Variants in CYP4Z1 observed in about 807,000 individuals in gnomAD.
CYP4Z1 encodes cytochrome P450 4Z1.
In CYP4Z1, 41 loss-of-function variants were observed where a neutral mutation model predicts 54.2. The ratio of observed to expected loss-of-function variants is 0.76; its 90% confidence interval spans 0.59 to 0.98. The LOEUF (loss-of-function observed/expected upper bound fraction) is 0.98. Ranked by LOEUF, CYP4Z1 falls within the 50% of genes least tolerant of loss-of-function variation. CYP4Z1 has a pLI of 0.00. For missense variants in CYP4Z1, 513 were observed against 599.0 expected (o/e 0.86, Z 1.50); for synonymous variants, 163 against 206.2 (o/e 0.79, Z 1.79).
At chr1:47,099,051 T>G in intron 7 of CYP4Z1, 43 bp from the exon 8 acceptor site, 2 of 1,603,994 alleles carry the variant, frequency 1.2e-6, no homozygotes, top group Non-Finnish European at 1.7e-6. Context: ...AAGATAACAA[T>G]CCATAGCCAG....
At chr1:47,077,773 A>G (rs1333077834) in intron 2 of CYP4Z1, among the ~76,000 whole-genome samples, 2 of 151,672 alleles carry the variant, frequency 1.3e-5, no homozygotes, top group Admixed American at 1.3e-4. Context: ...GGCCTGCACC[A>G]CTATGCCTGG....
At chr1:47,104,378 G>T (rs1293805816) in intron 8 of CYP4Z1, among the ~76,000 whole-genome samples, 1 of 152,182 alleles carries the variant, frequency 6.6e-6, no homozygotes, top group Non-Finnish European at 1.5e-5. Context: ...GGGCACCAAG[G>T]TGATGTATAC....
chr1:47,109,911 T>C (rs1644781338), intron 9 of CYP4Z1, among the ~76,000 whole-genome samples: 1 of 151,918 alleles, frequency 6.6e-6, no homozygotes, highest in East Asian at 1.9e-4. Context: ...CCAAAAGTTA[T>C]GAATTCTATT....
At chr1:47,076,915 T>C (rs1198995910) in intron 2 of CYP4Z1, among the ~76,000 whole-genome samples, 1 of 151,196 alleles carries the variant, frequency 6.6e-6, no homozygotes, top group Non-Finnish European at 1.5e-5. Context: ...TTACTTCTGA[T>C]ATTGATTTCT....
chr1:47,089,917 G>A (rs1176029858), intron 6 of CYP4Z1, among the ~76,000 whole-genome samples: 1 of 152,402 alleles, frequency 6.6e-6, no homozygotes, highest in South Asian at 2.1e-4. Flanking sequence ...CTTGCAATAT[G>A]ATTGGGAGAA....
intron 8 of CYP4Z1, among the ~76,000 whole-genome samples, chr1:47,102,514 G>C (rs1387459663): frequency 6.6e-6 from 1 of 152,084 alleles, no homozygotes; most frequent in East Asian, 1.9e-4. Context: ...ATTTCTCATA[G>C]GTTAAGGCCA....
At chr1:47,107,512 G>T (rs1644765113) in intron 9 of CYP4Z1, among the ~76,000 whole-genome samples, 1 of 151,786 alleles carries the variant, frequency 6.6e-6, no homozygotes, top group Admixed American at 6.6e-5. Context: ...ACATAATATT[G>T]CATCCATACA....
intron 6 of CYP4Z1, among the ~76,000 whole-genome samples, chr1:47,089,445 TAA>T (rs1644622323): frequency 6.6e-6 from 1 of 151,962 alleles, no homozygotes; most frequent in Non-Finnish European, 1.5e-5. Flanking sequence ...AGTTATTCTC[TAA>T]TGACAAGTCA....
chr1:47,067,349 C>T lies in CYP4Z1; in HGVS notation c.-142C>T. The T allele has an allele frequency of 1.5e-6, 1 of 648,132 alleles. No homozygotes were observed. The highest frequency in any genetic ancestry group is 2.3e-6 in the Non-Finnish European group (1 of 426,196). The allele number at this position is 648,132 out of a possible 1,614,324, so 40.1% of individuals were successfully genotyped here. ...CCCTGCAGACTTAATTAGGCTTCCT[C>T]TTCCTTATGTCCCCTCCCTGAATAT... On this transcript the variant is annotated 5_prime_UTR_variant, in exon 1 of 12. Transcript: ENST00000334194.
intron 2 of CYP4Z1, 51 bp downstream of exon 2, chr1:47,068,814 A>C: frequency 6.3e-7 from 1 of 1,590,444 alleles, no homozygotes; most frequent in Non-Finnish European, 8.5e-7. Flanking sequence ...AGAGGGTCTC[A>C]GGGTGTCTGT....
At chr1:47,099,384 G>C (rs1377021308) in intron 8 of CYP4Z1, 100 bp downstream of exon 8, 3 of 1,156,706 alleles carry the variant, frequency 2.6e-6, no homozygotes, top group Non-Finnish European at 3.6e-6. Flanking sequence ...GAGATAGTCT[G>C]TATGCATTTG....
chr1:47,092,766 G>A (rs901631523), intron 6 of CYP4Z1, among the ~76,000 whole-genome samples: 1 of 151,360 alleles, frequency 6.6e-6, no homozygotes, highest in Non-Finnish European at 1.5e-5. Flanking sequence ...TAGCTGCTGT[G>A]AGGGTCTGGT....
In CYP4Z1 at chr1:47,106,157, C is replaced by G. The variant is rs766692536; in HGVS notation, c.1097C>G (p.Thr366Arg). 1.1e-5 allele frequency: 17 copies of G among 1,613,990 alleles called. No individual in the cohort carries two copies. The highest frequency in any genetic ancestry group is 1.4e-5 in the Non-Finnish European group (17 of 1,179,934). The change falls in exon 9 of 12, where the codon ACG (threonine) becomes AGG (arginine). Residue 366 changes from threonine (T) to arginine (R), a missense_variant. Transcript: ENST00000334194. ...WEHLSQMPYT[T>R]MCIKECLRLY... is the part of the protein sequence containing the mutation. Reference sequence around the variant, plus strand: ...CACCTGAGCCAGATGCCTTACACCACGATGTGCATCAAGGAATGCCTCCGC... The same window carrying G: ...CACCTGAGCCAGATGCCTTACACCAGGATGTGCATCAAGGAATGCCTCCGC...
intron 4 of CYP4Z1, among the ~76,000 whole-genome samples, chr1:47,084,062 G>C (rs560494352): frequency 6.6e-6 from 1 of 152,178 alleles, no homozygotes; most frequent in East Asian, 1.9e-4. Flanking sequence ...GAAATTTTCT[G>C]GGATATTGGC....
At chr1:47,113,003 GAAA>G (rs765293633) in intron 9 of CYP4Z1, among the ~76,000 whole-genome samples, 1 of 139,424 alleles carries the variant, frequency 7.2e-6, no homozygotes, top group Non-Finnish European at 1.6e-5. Context: ...ACTAGGAAAG[GAAA>G]AAAAAAAAAG....
intron 9 of CYP4Z1, among the ~76,000 whole-genome samples, chr1:47,108,086 C>G (rs1160433426): frequency 6.6e-6 from 1 of 152,244 alleles, no homozygotes; most frequent in African/African-American, 2.4e-5. Context: ...AGTGCACACG[C>G]AGAGTTGCCT....
intron 9 of CYP4Z1, among the ~76,000 whole-genome samples, chr1:47,109,443 A>G (rs1301643745): frequency 6.6e-6 from 1 of 152,214 alleles, no homozygotes; most frequent in African/African-American, 2.4e-5. Context: ...GGAAAAGTGT[A>G]TATTAATCAC....
chr1:47,095,808 A>G (rs1048468366), intron 7 of CYP4Z1, among the ~76,000 whole-genome samples: 2 of 152,196 alleles, frequency 1.3e-5, no homozygotes, highest in South Asian at 2.1e-4. Flanking sequence ...CGTTGTACCA[A>G]ATGGCACCAT....
chr1:47,072,848 T>G (rs2134466), intron 2 of CYP4Z1, among the ~76,000 whole-genome samples: 138,726 of 147,538 alleles, frequency 0.94, 65,372 homozygotes, highest in East Asian at 1. Context: ...ATTCAGACAC[T>G]ACAAGATCCT....
Sources: allele counts gnomAD v4.1 joint callset (sites outside exome capture counted in the v4.1 genomes callset), GRCh38; gene constraint gnomAD v4.1.1; transcripts MANE v1.5; gene names NCBI Gene and HGNC (gene_info 2026-07-23, HGNC 2026-07-21).